Variants in CACNG2 observed in about 807,000 individuals in gnomAD.
The protein encoded by CACNG2 is calcium voltage-gated channel auxiliary subunit gamma 2.
A neutral mutation model predicts 25.9 loss-of-function variants in CACNG2; 3 were observed. The ratio of observed to expected loss-of-function variants is 0.12; its 90% CI spans 0.05 to 0.30. The LOEUF is 0.30. Ranked by LOEUF, CACNG2 falls within the 10% of genes least tolerant of loss-of-function variation. The probability of loss-of-function intolerance (pLI) is 1.00; values close to 1 mark genes in which losing one functional copy is unlikely to be tolerated. For missense variants in CACNG2, 341 were observed against 432.5 expected, an observed-to-expected ratio of 0.79 and a Z score of 1.88; for synonymous variants, 167 against 173.3, an observed-to-expected ratio of 0.96 and a Z score of 0.29.
chr22:36,564,162 A>C lies in CACNG2; in HGVS notation c.*189T>G. On this transcript the variant is annotated 3_prime_UTR_variant, in exon 4 of 4. Coordinates refer to ENST00000300105, the MANE Select transcript of CACNG2 (RefSeq NM_006078.5). This position sits in a 1 kb window ranked among gnomAD's most constrained non-coding sequence, Gnocchi z 6.7. ...TCTTATATTTTGTTCTTTTTTTTAA[A>C]ATTTACTTGTTATGTTTTTTCTCTT... The C allele has an allele frequency of 2.1e-6, 1 of 477,932 alleles. No individual in the cohort carries two copies. The highest frequency in any genetic ancestry group is 4.4e-5 in the South Asian group (1 of 22,538). The allele number at this position is 477,932 out of a possible 1,614,324, so 29.6% of individuals were successfully genotyped here.
rs569348199 is a variant in CACNG2 at position 36,620,022 on chromosome 22, T to A, written c.212-32474A>T. 2.6e-5 allele frequency among the ~76,000 whole-genome samples: 4 copies of A among 152,358 alleles called. No homozygotes were observed. In the South Asian group the frequency reaches 8.3e-4, roughly 32 times the overall value. On this transcript the variant is annotated intron_variant, in intron 1 of 3. Transcript: ENST00000300105. The stretch of plus-strand genomic sequence containing the variant: ...TGGAAGGCGCCTCTGCAGATCCTTA[T>A]AAGCCAGTTATGCTTAAGTGGATTT...
chr22:36,570,073 T>C lies in CACNG2; in HGVS notation c.296-3580A>G, dbSNP rs115515200. Among the ~76,000 whole-genome samples, 1,052 of 152,300 alleles carry C rather than the reference T, an allele frequency of 6.9e-3. 13 individuals are homozygous for C. Among genetic ancestry groups the C allele is most frequent in the African/African-American group, 0.024 (986 of 41,560 alleles). On this transcript the variant is annotated intron_variant, in intron 2 of 3. Coordinates refer to ENST00000300105, the MANE Select transcript of CACNG2 (RefSeq NM_006078.5). Reference sequence around the variant, plus strand: ...GCAGGTCGCCGACCCAATTGTGCCCTCACAGCAAATGGACTCACAGCAGCC... The same window carrying C: ...GCAGGTCGCCGACCCAATTGTGCCCCCACAGCAAATGGACTCACAGCAGCC...
chr22:36,661,356 A>C (rs6519025), intron 1 of CACNG2, among the ~76,000 whole-genome samples: 15,738 of 152,194 alleles, frequency 0.1, 2,699 homozygotes, highest in African/African-American at 0.36. Flanking sequence ...TACACGGTGA[A>C]GTGGGAGAAG....
At chr22:36,680,385 C>G (rs1260574814) in intron 1 of CACNG2, among the ~76,000 whole-genome samples, 1 of 147,834 alleles carries the variant, frequency 6.8e-6, no homozygotes, top group African/African-American at 2.5e-5. Context: ...TTACCACCAC[C>G]ATCACTGCCA....
chr22:36,678,471 C>T (rs1479331633), intron 1 of CACNG2, among the ~76,000 whole-genome samples: 1 of 152,102 alleles, frequency 6.6e-6, no homozygotes, highest in East Asian at 1.9e-4. Context: ...CCTCTCTCTA[C>T]ACACATTCAC....
rs983329412 is a variant in CACNG2 at position 36,701,438 on chromosome 22, G to T, written c.211+928C>A. Among the ~76,000 whole-genome samples the T allele has an allele frequency of 2.0e-5, 3 of 152,072 alleles. No homozygotes were observed. In the East Asian group the frequency reaches 5.8e-4, roughly 29 times the overall value. On this transcript the variant is annotated intron_variant, in intron 1 of 3. Transcript: ENST00000300105. ...GATCCCCCAGCCTTTACACCGTGGC[G>T]GCTCCTGTGCCCACAGCACAGACAC...
chr22:36,702,231 C>T, intron 1 of CACNG2, 135 bp downstream of exon 1: 2 of 654,672 alleles, frequency 3.1e-6, no homozygotes, highest in Non-Finnish European at 2.7e-6. Flanking sequence ...CCCAACCAAC[C>T]TTGATTGGTG....
intron 1 of CACNG2, among the ~76,000 whole-genome samples, chr22:36,593,385 G>T (rs1239564130): frequency 6.6e-6 from 1 of 152,164 alleles, no homozygotes; most frequent in East Asian, 1.9e-4. Context: ...GGCCATGAGG[G>T]AGTCGGACAG....
In CACNG2 at chr22:36,702,883, C is replaced by T; in HGVS notation, c.-307G>A. On this transcript the variant is annotated 5_prime_UTR_variant, in exon 1 of 4. Coordinates refer to ENST00000300105, the MANE Select transcript of CACNG2 (RefSeq NM_006078.5). ...AAAAAAAAAATAAAAAGACACCCCCCACCCCCCCAAGTGAGATGCCTTAAT... is the reference window on the plus strand; with the variant it reads ...AAAAAAAAAATAAAAAGACACCCCCTACCCCCCCAAGTGAGATGCCTTAAT... The T allele has an allele frequency of 3.7e-6, 1 of 269,962 alleles. No individual in the cohort carries two copies. The highest frequency in any genetic ancestry group is 6.9e-6 in the Non-Finnish European group (1 of 144,566). 16.7% of individuals were successfully genotyped at this position (269,962 alleles called of 1,614,324 possible).
intron 1 of CACNG2, 39 bp from the exon 2 acceptor site, chr22:36,587,587 A>G: frequency 6.7e-7 from 1 of 1,491,440 alleles, no homozygotes. Context: ...GAAACATCAT[A>G]GTTTTGGGGG....
chr22:36,685,014 G>A (rs967170130), intron 1 of CACNG2, among the ~76,000 whole-genome samples: 5 of 152,168 alleles, frequency 3.3e-5, no homozygotes, highest in East Asian at 1.9e-4. Context: ...TGGTCCTGCC[G>A]TCTGAGACTC....
At chr22:36,594,699 GTGTC>G (rs1362537535) in intron 1 of CACNG2, among the ~76,000 whole-genome samples, 2 of 146,144 alleles carry the variant, frequency 1.4e-5, no homozygotes, top group Non-Finnish European at 3.0e-5. Context: ...GTCTGTGTGT[GTGTC>G]TGTGTGTGTG....
intron 1 of CACNG2, among the ~76,000 whole-genome samples, chr22:36,668,510 A>T (rs1272284490): frequency 6.7e-6 from 1 of 148,808 alleles, no homozygotes; most frequent in African/African-American, 2.5e-5. Flanking sequence ...TTTTTTTGAG[A>T]TAGGATCTTG....
intron 1 of CACNG2, among the ~76,000 whole-genome samples, chr22:36,630,127 C>T (rs1219011841): frequency 6.6e-6 from 1 of 152,050 alleles, no homozygotes; most frequent in African/African-American, 2.4e-5. Flanking sequence ...GGTCATGTGG[C>T]CACAGAGGTA....
chr22:36,667,543 A>G (rs1043544452), intron 1 of CACNG2, among the ~76,000 whole-genome samples: 34 of 152,266 alleles, frequency 2.2e-4, no homozygotes, highest in Admixed American at 1.5e-3. Flanking sequence ...GAAAAGGAGG[A>G]AGCACAGGCT....
chr22:36,667,075 C>T (rs1395405840), intron 1 of CACNG2, among the ~76,000 whole-genome samples: 1 of 151,898 alleles, frequency 6.6e-6, no homozygotes, highest in Non-Finnish European at 1.5e-5. Context: ...CTGCAACCTC[C>T]ACCTCCAGGG....
chr22:36,568,191 G>A (rs1935160208), intron 2 of CACNG2, among the ~76,000 whole-genome samples: 1 of 152,090 alleles, frequency 6.6e-6, no homozygotes, highest in South Asian at 2.1e-4. Context: ...TTCTAAGGAA[G>A]TTGAGTCCTG....
chr22:36,625,537 C>T (rs1003691262), intron 1 of CACNG2, among the ~76,000 whole-genome samples: 6 of 152,130 alleles, frequency 3.9e-5, no homozygotes, highest in African/African-American at 1.2e-4. Context: ...AGCGAATGAA[C>T]GATGCTTCCA....
At chr22:36,655,865 T>C (rs1209001092) in intron 1 of CACNG2, among the ~76,000 whole-genome samples, 1 of 151,122 alleles carries the variant, frequency 6.6e-6, no homozygotes, top group African/African-American at 2.4e-5. Context: ...TGGAGTGCAG[T>C]GGTGTGATCT....
Sources: allele counts gnomAD v4.1 joint callset (sites outside exome capture counted in the v4.1 genomes callset), GRCh38; gene constraint gnomAD v4.1.1; non-coding constraint Gnocchi (gnomAD v3.1); transcripts MANE v1.5; gene names NCBI Gene and HGNC (gene_info 2026-07-23, HGNC 2026-07-21).